DKK2: variants seen among roughly 807,000 people sequenced by gnomAD.
The protein encoded by DKK2 is dickkopf-related protein 2.
Under a neutral mutation model 28.1 loss-of-function variants are expected in DKK2, and 11 were observed. That is an observed-to-expected ratio of 0.39 (90% CI 0.25 to 0.65). The LOEUF is 0.65. Among genes scored for constraint, DKK2 ranks in the 30% least tolerant of loss-of-function variants. DKK2 has a pLI of 0.47. For synonymous variants in DKK2, 135 were observed against 126.5 expected, an observed-to-expected ratio of 1.07 and a Z score of -0.45; for missense variants, 326 against 335.5, an observed-to-expected ratio of 0.97 and a Z score of 0.22.
rs112855833 is a variant in DKK2, at chr4:107,011,690, AGTGT to A, written c.222+23676_222+23679del. ...GGAAATTAGCATATATCTTTGTCTGAGTGTGTGTGTGTGTGTGTGTGTGGGTGTG... is the reference window on the plus strand; with the variant it reads ...GGAAATTAGCATATATCTTTGTCTGAGTGTGTGTGTGTGTGTGTGGGTGTG... On this transcript the variant is annotated intron_variant, in intron 1 of 3. Transcript: ENST00000285311. Among the ~76,000 whole-genome samples, 262 of 146,886 alleles carry A rather than the reference AGTGT, an allele frequency of 1.8e-3. 1 individual carries two copies. Among genetic ancestry groups the A allele is most frequent in the Middle Eastern group, 0.01 (3 of 290 alleles).
intron 1 of DKK2, among the ~76,000 whole-genome samples, chr4:106,998,748 GTTTA>G (rs1723313133): frequency 6.6e-6 from 1 of 152,058 alleles, no homozygotes; most frequent in African/African-American, 2.4e-5. Context: ...AAGGAAATCA[GTTTA>G]TTTGTGTTAA....
intron 1 of DKK2, among the ~76,000 whole-genome samples, chr4:107,003,896 T>C (rs1022905468): frequency 2.0e-5 from 3 of 152,190 alleles, no homozygotes; most frequent in African/African-American, 7.2e-5. Flanking sequence ...AGAAATTAAG[T>C]AAATCTTGCA....
intron 1 of DKK2, among the ~76,000 whole-genome samples, chr4:106,993,435 G>T (rs1293993331): frequency 6.6e-6 from 1 of 152,068 alleles, no homozygotes; most frequent in African/African-American, 2.4e-5. Flanking sequence ...CTTTATCCAT[G>T]AAATCATTGC....
intron 1 of DKK2, among the ~76,000 whole-genome samples, chr4:107,028,362 G>T (rs536099006): frequency 6.6e-6 from 1 of 152,158 alleles, no homozygotes; most frequent in Non-Finnish European, 1.5e-5. Context: ...CTTATTTGGT[G>T]CATGAGCATT....
rs369176868 is a variant in DKK2, at chr4:107,035,614, G to A, written c.-23C>T. 4.7e-5 allele frequency: 75 copies of A among 1,612,146 alleles called. No individual in the cohort carries two copies. Among genetic ancestry groups the A allele is most frequent in the Non-Finnish European group, 5.5e-5 (65 of 1,179,660 alleles). On this transcript the variant is annotated 5_prime_UTR_variant, in exon 1 of 4. Coordinates refer to ENST00000285311, the MANE Select transcript of DKK2 (RefSeq NM_014421.3). ...CATCTCCCGGCGAGGGGGTCCCCAG[G>A]AAGACGCAAAGCCCGGAGGGGTGGG...
intron 1 of DKK2, among the ~76,000 whole-genome samples, chr4:106,954,282 T>C (rs749212716): frequency 5.3e-5 from 8 of 152,178 alleles, no homozygotes; most frequent in Non-Finnish European, 1.0e-4. Context: ...CTTCAAAGTT[T>C]TGAGTTCTTT....
chr4:106,928,275 G>A (rs1019335661), intron 1 of DKK2, among the ~76,000 whole-genome samples: 1 of 152,032 alleles, frequency 6.6e-6, no homozygotes, highest in African/African-American at 2.4e-5. Context: ...AAAATAGAAA[G>A]TATATTAGAA....
chr4:107,014,315 A>C (rs1229752200), intron 1 of DKK2, among the ~76,000 whole-genome samples: 1 of 151,582 alleles, frequency 6.6e-6, no homozygotes, highest in Admixed American at 6.6e-5. Flanking sequence ...TATATAAAGG[A>C]ATGAAATCCT....
At chr4:106,939,628 CA>C (rs1056132088) in intron 1 of DKK2, among the ~76,000 whole-genome samples, 5 of 152,194 alleles carry the variant, frequency 3.3e-5, no homozygotes, top group African/African-American at 7.2e-5. Flanking sequence ...CGTATGGAAC[CA>C]AAAAAGAGCC....
chr4:106,957,198 A>G (rs1480534780), intron 1 of DKK2, among the ~76,000 whole-genome samples: 3 of 152,014 alleles, frequency 2.0e-5, no homozygotes, highest in African/African-American at 7.3e-5. Context: ...CAAAACCACA[A>G]TGAGATACCA....
chr4:107,023,868 C>T (rs921708009), intron 1 of DKK2, among the ~76,000 whole-genome samples: 1 of 151,984 alleles, frequency 6.6e-6, no homozygotes, highest in African/African-American at 2.4e-5. Flanking sequence ...AAATTTTGCC[C>T]TTATATTATT....
chr4:106,988,230 A>C (rs1292716380), intron 1 of DKK2, among the ~76,000 whole-genome samples: 1 of 152,182 alleles, frequency 6.6e-6, no homozygotes, highest in Non-Finnish European at 1.5e-5. Context: ...AGTGGTCCAC[A>C]GTCACGTGGT....
intron 1 of DKK2, among the ~76,000 whole-genome samples, chr4:106,993,075 C>A (rs1723227157): frequency 6.6e-6 from 1 of 152,192 alleles, no homozygotes; most frequent in Admixed American, 6.5e-5. Flanking sequence ...CAAGTTTATT[C>A]ATTTCTACTC....
intron 1 of DKK2, among the ~76,000 whole-genome samples, chr4:106,990,520 G>T (rs1304722112): frequency 1.3e-5 from 2 of 152,158 alleles, no homozygotes; most frequent in Admixed American, 1.3e-4. Context: ...CACTCCTCTA[G>T]CTCCATGCTG....
At chr4:106,962,245 C>T (rs922877748) in intron 1 of DKK2, among the ~76,000 whole-genome samples, 1 of 152,096 alleles carries the variant, frequency 6.6e-6, no homozygotes, top group African/African-American at 2.4e-5. Flanking sequence ...TGTTTTCACT[C>T]ATCACCATTT....
At chr4:106,960,114 T>TTATATA (rs3082967) in intron 1 of DKK2, among the ~76,000 whole-genome samples, 2,935 of 146,380 alleles carry the variant, frequency 0.02, 65 homozygotes, top group African/African-American at 0.046. Flanking sequence ...AGAAAAAATG[T>TTATATA]TATATATATA....
chr4:107,009,451 A>T (rs556166286), intron 1 of DKK2, among the ~76,000 whole-genome samples: 1 of 152,040 alleles, frequency 6.6e-6, no homozygotes, highest in East Asian at 1.9e-4. Context: ...CTTTTTCTGT[A>T]TTTATGAAAT....
chr4:106,943,100 C>T (rs1724725472), intron 1 of DKK2, among the ~76,000 whole-genome samples: 1 of 152,128 alleles, frequency 6.6e-6, no homozygotes, highest in South Asian at 2.1e-4. Flanking sequence ...ACAACTCCAA[C>T]TCATCATTTG....
chr4:106,982,388 T>C (rs2051756), intron 1 of DKK2, among the ~76,000 whole-genome samples: 32,090 of 152,064 alleles, frequency 0.21, 3,638 homozygotes, highest in East Asian at 0.42. Flanking sequence ...GTCACCTCTG[T>C]CTCATTCCCT....
Sources: allele counts gnomAD v4.1 joint callset (sites outside exome capture counted in the v4.1 genomes callset), GRCh38; gene constraint gnomAD v4.1.1; transcripts MANE v1.5; gene names NCBI Gene and HGNC (gene_info 2026-07-23, HGNC 2026-07-21).